WDR27: variants seen among roughly 807,000 people sequenced by gnomAD.
WDR27 encodes the protein WD repeat domain 27, also known as WD repeat-containing protein 27.
WDR27 carries 100 observed loss-of-function variants against 114.4 expected under a neutral mutation model. That is an observed-to-expected ratio of 0.87 (90% confidence interval 0.74 to 1.03). The LOEUF is 1.03. Ranked by LOEUF, WDR27 falls within the 50% of genes least tolerant of loss-of-function variation. The pLI is 0.00. For synonymous variants in WDR27, 449 were observed against 423.1 expected (o/e 1.06, Z -0.75); for missense variants, 1,129 against 1,092.9 (o/e 1.03, Z -0.47).
intron 2 of WDR27, among the ~76,000 whole-genome samples, chr6:169,678,437 T>G (rs968283359): frequency 6.6e-6 from 1 of 152,246 alleles, no homozygotes; most frequent in African/African-American, 2.4e-5. Context: ...GGAATGTTTA[T>G]CCAATGCCTA....
chr6:169,689,047 G>A (rs753845081), intron 1 of WDR27, 35 bp from the exon 2 acceptor site: 16 of 1,487,750 alleles, frequency 1.1e-5, no homozygotes, highest in Non-Finnish European at 1.5e-5. Context: ...ATGACTATAG[G>A]TATCATATTT....
intron 23 of WDR27, among the ~76,000 whole-genome samples, chr6:169,600,310 C>G (rs1380659090): frequency 6.6e-6 from 1 of 152,104 alleles, no homozygotes; most frequent in East Asian, 1.9e-4. Context: ...AAAACCCCAT[C>G]TATACATCAC....
intron 21 of WDR27, among the ~76,000 whole-genome samples, chr6:169,630,038 A>T (rs1461289415): frequency 6.6e-6 from 1 of 152,156 alleles, no homozygotes; most frequent in African/African-American, 2.4e-5. Flanking sequence ...GACAATGTTT[A>T]AGAAATTTGG....
chr6:169,638,109 G>A lies in WDR27; in HGVS notation c.1869+430C>T, dbSNP rs1818130515. ...AGGCGGGTGGATCATGAGGTCAGGAGATCGAGACCATCCTGGCTAACAAGG... is the reference window on the plus strand; with the variant it reads ...AGGCGGGTGGATCATGAGGTCAGGAAATCGAGACCATCCTGGCTAACAAGG... On this transcript the variant is annotated intron_variant, in intron 18 of 25. Coordinates refer to ENST00000448612, the MANE Select transcript of WDR27 (RefSeq NM_182552.5). Among the ~76,000 whole-genome samples the A allele has an allele frequency of 3.7e-5, 3 of 80,602 alleles. 1 individual carries two copies. The South Asian group carries it at 9.8e-4, about 26-fold the overall frequency. The allele number at this position is 80,602 out of a possible 152,430, so 52.9% of individuals were successfully genotyped here.
chr6:169,670,477 A>G (rs1409439327), intron 4 of WDR27, 92 bp downstream of exon 4: 1 of 1,478,952 alleles, frequency 6.8e-7, no homozygotes, highest in African/African-American at 1.4e-5. Context: ...GGAGTACAGG[A>G]AAAAAGAAAA....
chr6:169,583,453 T>G (rs1803866267), intron 23 of WDR27, among the ~76,000 whole-genome samples: 2 of 147,894 alleles, frequency 1.4e-5, no homozygotes, highest in Admixed American at 6.8e-5. Flanking sequence ...ATAAATAAGT[T>G]CCTCTTTAAT....
chr6:169,435,495 G>A, the WDR27 span, among the ~76,000 whole-genome samples: 1 of 152,212 alleles, frequency 6.6e-6, no homozygotes, highest in African/African-American at 2.4e-5. Context: ...GGGTGGAGCT[G>A]CTCAAGGCTG....
rs1464711909 is a variant in WDR27 at position 169,684,014 on chromosome 6, A to G, written c.189+4803T>C. On this transcript the variant is annotated intron_variant, in intron 2 of 25. Coordinates refer to ENST00000448612, the MANE Select transcript of WDR27 (RefSeq NM_182552.5). This position sits in a 1 kb window ranked among gnomAD's most constrained non-coding sequence, Gnocchi z 4.3. ...GCTCTGGGGGCCAGAAGTCACTGCCATTCTCCAGCCCTGGGGCTCCATCTT... is the reference window on the plus strand; with the variant it reads ...GCTCTGGGGGCCAGAAGTCACTGCCGTTCTCCAGCCCTGGGGCTCCATCTT... Among the ~76,000 whole-genome samples the G allele has an allele frequency of 6.6e-6, 1 of 152,168 alleles. No homozygotes were observed. Among genetic ancestry groups the G allele is most frequent in the Non-Finnish European group, 1.5e-5 (1 of 68,034 alleles).
intron 25 of WDR27, among the ~76,000 whole-genome samples, chr6:169,475,425 G>A (rs1787012380): frequency 6.6e-6 from 1 of 152,080 alleles, no homozygotes; most frequent in Admixed American, 6.5e-5. Context: ...TTTTTGCCAT[G>A]TTGGCCAGGC....
intron 2 of WDR27, among the ~76,000 whole-genome samples, chr6:169,675,521 G>C (rs1779858710): frequency 6.6e-6 from 1 of 152,168 alleles, no homozygotes; most frequent in East Asian, 1.9e-4. Context: ...CTGAGAACAT[G>C]TACCCAAGGT....
At chr6:169,426,980 G>T in the WDR27 span, 1 of 151,564 alleles carries the variant, frequency 6.6e-6, no homozygotes, top group African/African-American at 2.4e-5. Context: ...CAGTGGGGGG[G>T]GGGTGGCGGT....
At chr6:169,456,968 A>G (rs1425498524), downstream of WDR27, among the ~76,000 whole-genome samples, 3 of 149,256 alleles carry the variant, frequency 2.0e-5, no homozygotes, top group Non-Finnish European at 4.5e-5. This position sits in a 1 kb window ranked among gnomAD's most constrained non-coding sequence, Gnocchi z 4.0. Context: ...CAGAACCCAC[A>G]GTCAGAGACC....
At chr6:169,645,819 T>A (rs1374107570) in intron 16 of WDR27, among the ~76,000 whole-genome samples, 3 of 143,770 alleles carry the variant, frequency 2.1e-5, no homozygotes, top group African/African-American at 8.4e-5. Context: ...TTCACAGGAG[T>A]CACACTGTAG....
chr6:169,453,981 G>A (rs1173794038), downstream of WDR27, among the ~76,000 whole-genome samples: 3 of 152,148 alleles, frequency 2.0e-5, no homozygotes, highest in African/African-American at 7.2e-5. Flanking sequence ...TCTCTTTTGG[G>A]TTGGCAGCTG....
chr6:169,617,010 T>C (rs2473441), intron 21 of WDR27, among the ~76,000 whole-genome samples: 142,946 of 152,170 alleles, frequency 0.94, 67,213 homozygotes, highest in East Asian at 0.99. Context: ...CAGGGAGATA[T>C]GGGGTTTGAC....
intron 25 of WDR27, among the ~76,000 whole-genome samples, chr6:169,503,421 T>C (rs1467050104): frequency 6.6e-6 from 1 of 152,222 alleles, no homozygotes; most frequent in Non-Finnish European, 1.5e-5. Context: ...CTTTGCTAAT[T>C]TAACAACAGA....
At chr6:169,693,474 C>T (rs373935233) in intron 1 of WDR27, among the ~76,000 whole-genome samples, 3 of 152,056 alleles carry the variant, frequency 2.0e-5, no homozygotes, top group South Asian at 2.1e-4. Flanking sequence ...TAGAGCAGTA[C>T]CCCACAGCTC....
At chr6:169,564,506 C>T (rs1800146056) in intron 25 of WDR27, among the ~76,000 whole-genome samples, 1 of 152,264 alleles carries the variant, frequency 6.6e-6, no homozygotes, top group African/African-American at 2.4e-5. Flanking sequence ...GCTGTGAGAG[C>T]CTGCACTGCT....
At chr6:169,609,764 T>A (rs2128181368) in intron 22 of WDR27, among the ~76,000 whole-genome samples, 1 of 152,372 alleles carries the variant, frequency 6.6e-6, no homozygotes, top group South Asian at 2.1e-4. Context: ...GCAGCCAGCT[T>A]GAATTTCTCC....
Sources: gnomAD v4.1 joint callset for allele counts (sites outside exome capture counted in the v4.1 genomes callset) on GRCh38, gnomAD v4.1.1 for gene constraint, Gnocchi (gnomAD v3.1) non-coding constraint, MANE v1.5 for transcripts, NCBI Gene and HGNC (gene_info 2026-07-23, HGNC 2026-07-21) for gene names.